ANKUB1: variants seen among roughly 807,000 people sequenced by gnomAD.
The protein encoded by ANKUB1 is ankyrin repeat and ubiquitin domain containing 1.
A neutral mutation model predicts 49.3 loss-of-function variants in ANKUB1; 42 were observed. That is an observed-to-expected ratio of 0.85 (90% CI 0.67 to 1.10). The LOEUF is 1.10. ANKUB1 is among the 50% of genes least tolerant of loss of function. The probability of loss-of-function intolerance (pLI) is 0.00; values close to 1 mark genes in which losing one functional copy is unlikely to be tolerated. For synonymous variants in ANKUB1, 222 were observed against 231.0 expected (o/e 0.96, Z 0.35); for missense variants, 613 against 642.0 (o/e 0.95, Z 0.49).
At position 149,792,306 on chromosome 3, in the gene ANKUB1, T is replaced by C; in HGVS notation, c.61A>G (p.Thr21Ala). ...FEPFDVSADE[T>A]VEVVKLMIKD... is the part of the protein sequence containing the mutation. ...ATCATCAGCTTGACAACCTCCACAG[T>C]TTCATCTGCTGAAACATCAAACGGT... The change falls in exon 1 of 6, where the codon ACT becomes GCT. Residue 21 changes from threonine (T) to alanine (A), a missense_variant. Transcript: ENST00000446160. 2 of 1,532,454 alleles carry C rather than the reference T, an allele frequency of 1.3e-6. No homozygotes were observed. Among genetic ancestry groups the C allele is most frequent in the South Asian group, 2.5e-5 (2 of 80,990 alleles). The allele number at this position is 1,532,454 out of a possible 1,614,324, so 94.9% of individuals were successfully genotyped here.
chr3:149,786,023 TTTTA>T (rs575224030), intron 2 of ANKUB1, among the ~76,000 whole-genome samples: 11 of 151,714 alleles, frequency 7.3e-5, no homozygotes. Context: ...GATGATGAGC[TTTTA>T]TTTATTTATT....
intron 3 of ANKUB1, among the ~76,000 whole-genome samples, chr3:149,773,757 G>A (rs1717462451): frequency 6.6e-6 from 1 of 152,218 alleles, no homozygotes; most frequent in Non-Finnish European, 1.5e-5. Context: ...CTTTAGCCTG[G>A]CCCCATACCG....
Position 149,792,451 on chromosome 3 carries a change from A to C in ANKUB1, c.-85T>G. 9.0e-7 allele frequency: 1 copy of C among 1,109,728 alleles called. No individual in the cohort carries two copies. The highest frequency in any genetic ancestry group is 1.2e-6 in the Non-Finnish European group (1 of 812,492). The allele number at this position is 1,109,728 out of a possible 1,614,324, so 68.7% of individuals were successfully genotyped here. ...CTAGAAAAATTCCGGTTCACAATTA[A>C]GGACAAAAATGATAGCCAGAGGCAG... is the stretch of plus-strand genomic sequence containing the variant. On this transcript the variant is annotated 5_prime_UTR_variant, in exon 1 of 6. Transcript: ENST00000446160.
Position 149,790,822 on chromosome 3 carries a change from C to T in ANKUB1, c.193G>A (p.Val65Ile). 1.3e-6 allele frequency: 2 copies of T among 1,551,944 alleles called. No individual in the cohort carries two copies. The highest frequency in any genetic ancestry group is 1.7e-6 in the Non-Finnish European group (2 of 1,147,006). Residue 65 changes from valine to isoleucine, a missense_variant, in exon 2 of 6, where the codon GTT (valine) becomes ATT (isoleucine). Transcript: ENST00000446160. ...AGAGTTGAACAGAAAGATATTCCAA[C>T]ATCAGCAAGACTCCAACTGTCCTTT... ...ALKDSWSLAD[V>I]GISFCSTLKC...
chr3:149,784,236 C>G, intron 2 of ANKUB1, among the ~76,000 whole-genome samples: 1 of 152,138 alleles, frequency 6.6e-6, no homozygotes, highest in Non-Finnish European at 1.5e-5. Context: ...TTGGTTGGTA[C>G]AAGTCTGGTT....
chr3:149,776,238 C>G (rs1056681429), intron 3 of ANKUB1, among the ~76,000 whole-genome samples: 1 of 152,196 alleles, frequency 6.6e-6, no homozygotes, highest in Non-Finnish European at 1.5e-5. Context: ...TGTTACAATA[C>G]AAAGTTCCAG....
chr3:149,780,331 C>A lies in ANKUB1; in HGVS notation c.359G>T (p.Cys120Phe). Reference protein sequence around the residue: ...SDLRTLVTLRCGLPVSVYCLR... With the variant: ...SDLRTLVTLRFGLPVSVYCLR... Reference sequence around the variant, plus strand: ...ACAGTAGACACTCACGGGGAGGCCACATCTCAGAGTTACCAGTGTTCTCAG... The same window carrying A: ...ACAGTAGACACTCACGGGGAGGCCAAATCTCAGAGTTACCAGTGTTCTCAG... The change falls in exon 3 of 6, where the codon TGT becomes TTT. Residue 120 changes from cysteine to phenylalanine, a missense_variant. Physicochemically the swap from Cys to Phe is radical, Grantham distance 205. Coordinates refer to ENST00000446160, the MANE Select transcript of ANKUB1 (RefSeq NM_001144960.3). 6.4e-7 allele frequency: 1 copy of A among 1,551,896 alleles called. No homozygotes were observed. The highest frequency in any genetic ancestry group is 8.7e-7 in the Non-Finnish European group (1 of 1,147,038).
chr3:149,781,649 C>A (rs114253941), intron 2 of ANKUB1, among the ~76,000 whole-genome samples: 1,992 of 152,308 alleles, frequency 0.013, 33 homozygotes, highest in African/African-American at 0.045. Flanking sequence ...AGGGCCCCCC[C>A]AGTCCTGCAG....
chr3:149,787,011 C>T (rs1021916627), intron 2 of ANKUB1, among the ~76,000 whole-genome samples: 6 of 152,132 alleles, frequency 3.9e-5, no homozygotes, highest in African/African-American at 1.2e-4. Context: ...TAGCATGATG[C>T]CTCCAGCTTT....
Position 149,766,685 on chromosome 3 carries a change from C to T in ANKUB1, c.1505+472G>A, listed in dbSNP as rs1717030659. 4 of 603,176 alleles carry T rather than the reference C, an allele frequency of 6.6e-6. 1 individual carries two copies. In the South Asian group the frequency reaches 7.6e-5, roughly 11 times the overall value. 37.4% of individuals were successfully genotyped at this position (603,176 alleles called of 1,614,324 possible). On this transcript the variant is annotated intron_variant, in intron 5 of 5. Coordinates refer to ENST00000446160, the MANE Select transcript of ANKUB1 (RefSeq NM_001144960.3). ...TAGTGGCATGTGCCTGTAGTCCCAG[C>T]TACTTGGAAGGCTGAGATGGGAGAA... is the stretch of plus-strand genomic sequence containing the variant.
intron 5 of ANKUB1, among the ~76,000 whole-genome samples, chr3:149,766,445 T>C (rs1181266665): frequency 6.6e-6 from 1 of 152,216 alleles, no homozygotes; most frequent in Non-Finnish European, 1.5e-5. Context: ...TTACAATTAA[T>C]GTTTTATTAG....
intron 3 of ANKUB1, among the ~76,000 whole-genome samples, chr3:149,775,598 A>G (rs1407012726): frequency 2.0e-5 from 3 of 152,162 alleles, no homozygotes; most frequent in Non-Finnish European, 4.4e-5. Flanking sequence ...ATGGTTTCTC[A>G]GGTGCAATGT....
At chr3:149,768,594 T>G (rs564647847) in intron 4 of ANKUB1, among the ~76,000 whole-genome samples, 1 of 151,440 alleles carries the variant, frequency 6.6e-6, no homozygotes, top group East Asian at 2.0e-4. Context: ...CAGGCTGGAG[T>G]GCAGTGATGC....
rs1717307812 is a variant in ANKUB1 at position 149,770,604 on chromosome 3, T to C, written c.522A>G (p.Lys174=). ...TTGATAAGTAGCGTTGGACTTTAAG[T>C]TTTTGTCCAAGGAGACAACCCATCA... ...EFLMGCLLGQ[K]LKVQRYLSKE... The change falls in exon 4 of 6, where the codon AAA becomes AAG. Residue 174 remains lysine (K), a synonymous_variant. Transcript: ENST00000446160. 1.3e-6 allele frequency: 2 copies of C among 1,550,386 alleles called. No homozygotes were observed. Among genetic ancestry groups the C allele is most frequent in the Non-Finnish European group, 1.7e-6 (2 of 1,146,492 alleles).
intron 2 of ANKUB1, among the ~76,000 whole-genome samples, chr3:149,782,265 A>C (rs1457481796): frequency 6.6e-6 from 1 of 152,246 alleles, no homozygotes; most frequent in East Asian, 1.9e-4. Flanking sequence ...CTTTAAAAAA[A>C]AAATTTTTTT....
intron 2 of ANKUB1, among the ~76,000 whole-genome samples, chr3:149,787,867 T>C (rs1718178578): frequency 6.6e-6 from 1 of 152,216 alleles, no homozygotes; most frequent in Non-Finnish European, 1.5e-5. Context: ...CCAACTATTT[T>C]GGATTTATTT....
intron 5 of ANKUB1, among the ~76,000 whole-genome samples, chr3:149,764,656 T>A (rs1051474847): frequency 1.1e-5 from 1 of 89,846 alleles, no homozygotes; most frequent in African/African-American, 4.5e-5. Context: ...CTTTCTTTCC[T>A]TCCTTCTTTC....
rs747038084 is a variant in ANKUB1 at position 149,761,586 on chromosome 3, C to A, written c.1533G>T (p.Gln511His). The A allele has an allele frequency of 1.9e-6, 3 of 1,551,168 alleles. No individual in the cohort carries two copies. Among genetic ancestry groups the A allele is most frequent in the Non-Finnish European group, 2.6e-6 (3 of 1,146,714 alleles). ...CCAGGACTCTTGCTATTTCTAACTG[C>A]TGAAGCCATCGTTTCTCTTTAAAGG... ...ASAFKEKRWL[Q>H]QLEIARVLAK... Residue 511 changes from glutamine to histidine, a missense_variant, in exon 6 of 6, where the codon CAG becomes CAT. Physicochemically the swap from Gln to His is conservative, Grantham distance 24. Coordinates refer to ENST00000446160, the MANE Select transcript of ANKUB1 (RefSeq NM_001144960.3).
intron 3 of ANKUB1, among the ~76,000 whole-genome samples, chr3:149,773,585 G>A (rs981506607): frequency 6.6e-6 from 1 of 152,202 alleles, no homozygotes; most frequent in Non-Finnish European, 1.5e-5. Context: ...TTTCTCTAAA[G>A]CTTCATGCTG....
Sources: gnomAD v4.1 joint callset for allele counts (sites outside exome capture counted in the v4.1 genomes callset) on GRCh38, gnomAD v4.1.1 for gene constraint, MANE v1.5 for transcripts, NCBI Gene and HGNC (gene_info 2026-07-23, HGNC 2026-07-21) for gene names.